Variants in PIK3C2G observed in about 807,000 individuals in gnomAD.
The protein encoded by PIK3C2G is phosphatidylinositol 3-kinase C2 domain-containing subunit gamma.
A neutral mutation model predicts 181.1 loss-of-function variants in PIK3C2G; 168 were observed. The observed-to-expected ratio is 0.93, with a 90% CI of 0.82 to 1.05. The LOEUF (loss-of-function observed/expected upper bound fraction) is 1.05. Among genes scored for constraint, PIK3C2G ranks in the 50% least tolerant of loss-of-function variants. The probability of loss-of-function intolerance (pLI) is 0.00; values close to 1 mark genes in which losing one functional copy is unlikely to be tolerated. For synonymous variants in PIK3C2G, 573 were observed against 592.2 expected (o/e 0.97, Z 0.47); for missense variants, 1,869 against 1,732.8 (o/e 1.08, Z -1.40).
At chr12:18,389,035 A>G (rs1297909526) in intron 14 of PIK3C2G, among the ~76,000 whole-genome samples, 1 of 152,202 alleles carries the variant, frequency 6.6e-6, no homozygotes, top group African/African-American at 2.4e-5. Flanking sequence ...ACATTTGAAT[A>G]GATCTCCTGA....
intron 29 of PIK3C2G, among the ~76,000 whole-genome samples, chr12:18,572,615 A>G (rs923927303): frequency 1.3e-5 from 2 of 151,780 alleles, no homozygotes; most frequent in Non-Finnish European, 1.5e-5. Flanking sequence ...AATTTGTGCT[A>G]TGATGTCTTT....
At chr12:18,501,764 A>G (rs1309519410) in intron 22 of PIK3C2G, among the ~76,000 whole-genome samples, 1 of 152,338 alleles carries the variant, frequency 6.6e-6, no homozygotes, top group Middle Eastern at 3.4e-3. Context: ...AAGGCTTGTG[A>G]TCAGTGTCTT....
chr12:18,527,639 C>G (rs1452051562), intron 24 of PIK3C2G, among the ~76,000 whole-genome samples: 4 of 150,946 alleles, frequency 2.6e-5, no homozygotes, highest in Admixed American at 6.6e-5. Flanking sequence ...TAGCTGTGCT[C>G]TTTCCTCAAA....
the PIK3C2G span, among the ~76,000 whole-genome samples, chr12:18,717,425 G>C: frequency 6.6e-6 from 1 of 152,066 alleles, no homozygotes. Flanking sequence ...GGAATTAGAA[G>C]ATATCTTTTC....
At chr12:18,607,589 T>TA (rs1282098356) in intron 30 of PIK3C2G, among the ~76,000 whole-genome samples, 1 of 152,170 alleles carries the variant, frequency 6.6e-6, no homozygotes, top group African/African-American at 2.4e-5. Context: ...CCTAAAACCA[T>TA]AAAACCCTAG....
upstream of PIK3C2G, among the ~76,000 whole-genome samples, chr12:18,245,085 T>C (rs887940986): frequency 6.6e-6 from 1 of 152,138 alleles, no homozygotes; most frequent in Non-Finnish European, 1.5e-5. Flanking sequence ...TGAAAAATAC[T>C]TTAAGAGATT....
intron 18 of PIK3C2G, among the ~76,000 whole-genome samples, chr12:18,471,438 A>G (rs1938448721): frequency 1.3e-5 from 2 of 152,124 alleles, no homozygotes. Flanking sequence ...TTACAAATCT[A>G]TCTTTGTAAC....
intron 11 of PIK3C2G, among the ~76,000 whole-genome samples, chr12:18,358,111 C>A (rs970478156): frequency 1.3e-5 from 2 of 152,058 alleles, no homozygotes; most frequent in African/African-American, 4.8e-5. Context: ...GGATAAATAC[C>A]CAGAAGTAGG....
chr12:18,699,269 T>C, the PIK3C2G span, among the ~76,000 whole-genome samples: 2 of 152,136 alleles, frequency 1.3e-5, no homozygotes, highest in African/African-American at 4.8e-5. Context: ...AACCCTACCC[T>C]CTTCAATGCC....
In PIK3C2G at chr12:18,432,819, C is replaced by G. The variant is rs79874531; in HGVS notation, c.2504+8780C>G. ...ATTTTTCCAATGACAATCATCTAAG[C>G]TGACTGAAGAATTGAAATTAAAATA... On this transcript the variant is annotated intron_variant, in intron 18 of 32. Transcript: ENST00000538779. Among the ~76,000 whole-genome samples the G allele has an allele frequency of 7.0e-3, 1,067 of 152,242 alleles. 6 individuals carry two copies. The highest frequency in any genetic ancestry group is 0.019 in the African/African-American group (781 of 41,548).
At chr12:18,274,944 T>C (rs1213161598) in intron 1 of PIK3C2G, among the ~76,000 whole-genome samples, 1 of 152,192 alleles carries the variant, frequency 6.6e-6, no homozygotes, top group Non-Finnish European at 1.5e-5. Flanking sequence ...TAAGAAAACA[T>C]GTTATATATT....
intron 18 of PIK3C2G, among the ~76,000 whole-genome samples, chr12:18,436,321 G>A (rs1051271620): frequency 6.6e-6 from 1 of 151,940 alleles, no homozygotes; most frequent in African/African-American, 2.4e-5. Context: ...GCCAGAATTG[G>A]GTCCCTTATC....
chr12:18,516,453 G>A (rs896562949), intron 24 of PIK3C2G, among the ~76,000 whole-genome samples: 21 of 151,820 alleles, frequency 1.4e-4, no homozygotes, highest in Admixed American at 1.3e-3. Flanking sequence ...GTGTCTTGGG[G>A]AATTTCTCCT....
chr12:18,459,519 G>A (rs1030633145), intron 18 of PIK3C2G, among the ~76,000 whole-genome samples: 40 of 152,156 alleles, frequency 2.6e-4, no homozygotes, highest in African/African-American at 8.7e-4. Context: ...CAATCCCTGT[G>A]AATGTGTAGA....
intron 24 of PIK3C2G, among the ~76,000 whole-genome samples, chr12:18,528,805 C>A (rs1383377163): frequency 3.9e-5 from 6 of 152,156 alleles, no homozygotes; most frequent in African/African-American, 1.4e-4. Context: ...CTGGCACAAT[C>A]AAGTGCCCTG....
At chr12:18,363,753 G>C (rs1164809170) in intron 12 of PIK3C2G, among the ~76,000 whole-genome samples, 1 of 152,120 alleles carries the variant, frequency 6.6e-6, no homozygotes, top group Non-Finnish European at 1.5e-5. Context: ...AGAATTTGTA[G>C]AAGAGGATGA....
intron 5 of PIK3C2G, among the ~76,000 whole-genome samples, chr12:18,306,840 A>G (rs1950441559): frequency 6.6e-6 from 1 of 151,956 alleles, no homozygotes; most frequent in South Asian, 2.1e-4. Context: ...CTGGTTTTCA[A>G]TATTTACAAA....
chr12:18,323,025 G>A (rs1951178672), intron 7 of PIK3C2G, among the ~76,000 whole-genome samples: 1 of 152,176 alleles, frequency 6.6e-6, no homozygotes. Flanking sequence ...TGCTGGGTTG[G>A]TGGAGGGTTG....
At chr12:18,501,462 A>G (rs1941476438) in intron 22 of PIK3C2G, among the ~76,000 whole-genome samples, 1 of 152,210 alleles carries the variant, frequency 6.6e-6, no homozygotes, top group South Asian at 2.1e-4. Flanking sequence ...ACACGTGGGG[A>G]TTATGGGGAT....
Sources: gnomAD v4.1 joint callset for allele counts (sites outside exome capture counted in the v4.1 genomes callset) on GRCh38, gnomAD v4.1.1 for gene constraint, MANE v1.5 for transcripts, NCBI Gene and HGNC (gene_info 2026-07-23, HGNC 2026-07-21) for gene names.